PALM2AKAP2: variants seen among roughly 807,000 people sequenced by gnomAD.
PALM2AKAP2 encodes PALM2 and AKAP2 fusion.
A neutral mutation model predicts 71.5 loss-of-function variants in PALM2AKAP2; 37 were observed. The ratio of observed to expected loss-of-function variants is 0.52; its 90% CI spans 0.40 to 0.68. The LOEUF (loss-of-function observed/expected upper bound fraction) is 0.68. PALM2AKAP2 is among the 30% of genes least tolerant of loss of function. The pLI, the probability that PALM2AKAP2 is intolerant of heterozygous loss-of-function variation, is 0.00. For missense variants in PALM2AKAP2, 1,224 were observed against 1,191.8 expected, an observed-to-expected ratio of 1.03 and a Z score of -0.40; for synonymous variants, 468 against 478.8, an observed-to-expected ratio of 0.98 and a Z score of 0.29.
intron 5 of PALM2AKAP2, among the ~76,000 whole-genome samples, chr9:109,930,612 T>C (rs1831075248): frequency 6.6e-6 from 1 of 152,234 alleles, no homozygotes. Flanking sequence ...TCAGACTCAT[T>C]TGCAAGTCAG....
chr9:109,684,984 A>G (rs1272952899), intron 1 of PALM2AKAP2, among the ~76,000 whole-genome samples: 1 of 152,244 alleles, frequency 6.6e-6, no homozygotes, highest in Non-Finnish European at 1.5e-5. Context: ...TAAATAAATT[A>G]CTGATACACA....
At chr9:109,740,080 C>T (rs1378820177) in intron 1 of PALM2AKAP2, among the ~76,000 whole-genome samples, 1 of 152,160 alleles carries the variant, frequency 6.6e-6, no homozygotes, top group Admixed American at 6.5e-5. Context: ...AGGGAGAAGT[C>T]CAATAGAAAA....
chr9:109,642,819 A>G (rs1173909213), intron 1 of PALM2AKAP2, among the ~76,000 whole-genome samples: 6 of 149,868 alleles, frequency 4.0e-5, no homozygotes. Context: ...TGCTGGGATT[A>G]TAGGTGTGAG....
At chr9:109,806,323 AATAAAC>A (rs1163191966) in intron 1 of PALM2AKAP2, among the ~76,000 whole-genome samples, 2 of 152,202 alleles carry the variant, frequency 1.3e-5, no homozygotes, top group Non-Finnish European at 2.9e-5. Context: ...ATGTGTGATA[AATAAAC>A]ATGCATCTGA....
intron 3 of PALM2AKAP2, among the ~76,000 whole-genome samples, chr9:109,897,417 T>G (rs1194161964): frequency 6.6e-6 from 1 of 151,852 alleles, no homozygotes; most frequent in African/African-American, 2.4e-5. Flanking sequence ...CCATCTCTAC[T>G]AAAAATACAA....
At chr9:109,649,335 T>A (rs1284359906) in intron 1 of PALM2AKAP2, among the ~76,000 whole-genome samples, 1 of 152,168 alleles carries the variant, frequency 6.6e-6, no homozygotes, top group Non-Finnish European at 1.5e-5. Flanking sequence ...ATTTTTCTCA[T>A]TTTTTTCCTG....
intron 1 of PALM2AKAP2, among the ~76,000 whole-genome samples, chr9:109,758,264 C>T (rs1828996886): frequency 6.6e-6 from 1 of 152,034 alleles, no homozygotes; most frequent in Admixed American, 6.6e-5. Flanking sequence ...TCTTTTAACC[C>T]TATGGATGGA....
chr9:110,099,583 G>A (rs965397874), intron 1 of PALM2AKAP2, among the ~76,000 whole-genome samples: 1 of 152,206 alleles, frequency 6.6e-6, no homozygotes, highest in Non-Finnish European at 1.5e-5. Flanking sequence ...GCTTTTCCTA[G>A]CAGATGGGTG....
chr9:109,721,705 G>A (rs148497703), intron 1 of PALM2AKAP2, among the ~76,000 whole-genome samples: 48 of 152,144 alleles, frequency 3.2e-4, no homozygotes, highest in African/African-American at 9.2e-4. Context: ...CCCCACACCC[G>A]CTTCTTTCTC....
intron 6 of PALM2AKAP2, among the ~76,000 whole-genome samples, chr9:109,994,015 T>C (rs1306017189): frequency 5.9e-5 from 9 of 152,122 alleles, no homozygotes; most frequent in Non-Finnish European, 1.3e-4. Flanking sequence ...GTATTATAAA[T>C]ACCTAGCTAC....
In PALM2AKAP2 at chr9:110,091,709, G is replaced by A. The variant is rs549398812; in HGVS notation, c.156+42854G>A. On this transcript the variant is annotated intron_variant, in intron 1 of 3. Coordinates refer to ENST00000374525, the Ensembl canonical transcript of PALM2AKAP2. ...GATCTCCTGACCTCATGATCTGCCC[G>A]CCTTGGCCTCCCAAAGTGCCGGGAT... is the stretch of plus-strand genomic sequence containing the variant. 9.9e-5 allele frequency among the ~76,000 whole-genome samples: 15 copies of A among 151,972 alleles called. 1 individual carries two copies. The highest frequency in any genetic ancestry group is 5.9e-4 in the Admixed American group (9 of 15,266).
intron 1 of PALM2AKAP2, among the ~76,000 whole-genome samples, chr9:109,840,467 C>G (rs1828626577): frequency 6.6e-6 from 1 of 152,222 alleles, no homozygotes; most frequent in South Asian, 2.1e-4. Flanking sequence ...GCAAGGACTT[C>G]ATGTCTAAAA....
At chr9:109,819,703 GTA>G (rs1491437938) in intron 1 of PALM2AKAP2, among the ~76,000 whole-genome samples, 6,285 of 90,818 alleles carry the variant, frequency 0.069, 278 homozygotes, top group African/African-American at 0.33. Context: ...GTGTGTGTGT[GTA>G]TGTGTGTGTG....
chr9:110,013,307 G>A (rs911412880), intron 6 of PALM2AKAP2, among the ~76,000 whole-genome samples: 2 of 152,190 alleles, frequency 1.3e-5, no homozygotes, highest in African/African-American at 4.8e-5. Context: ...CAGCAGGAGA[G>A]GAGGAGAATG....
intron 3 of PALM2AKAP2, among the ~76,000 whole-genome samples, chr9:110,164,604 C>T (rs1444567098): frequency 6.7e-6 from 1 of 149,434 alleles, no homozygotes; most frequent in African/African-American, 2.5e-5. Context: ...GATCTCAGCT[C>T]ACTGCAGCCT....
exon 4 of PALM2AKAP2, chr9:110,169,544 A>G (rs908841178): frequency 6.6e-6 from 1 of 152,216 alleles, no homozygotes; most frequent in African/African-American, 2.4e-5. Context: ...TTTTGGATCA[A>G]TCAGAAAGGA....
At chr9:110,109,015 G>A (rs569081068) in intron 1 of PALM2AKAP2, among the ~76,000 whole-genome samples, 15 of 152,064 alleles carry the variant, frequency 9.9e-5, no homozygotes, top group African/African-American at 2.7e-4. Flanking sequence ...AGGGTGGTAC[G>A]TTGTTAAAAC....
chr9:110,149,475 G>C (rs536304937), intron 2 of PALM2AKAP2, among the ~76,000 whole-genome samples: 1 of 152,246 alleles, frequency 6.6e-6, no homozygotes, highest in Non-Finnish European at 1.5e-5. Context: ...AAATTAATTT[G>C]TGCTGATTGT....
chr9:110,094,337 C>T (rs967245654), intron 1 of PALM2AKAP2, among the ~76,000 whole-genome samples: 62 of 152,284 alleles, frequency 4.1e-4, no homozygotes, highest in Non-Finnish European at 6.8e-4. Flanking sequence ...AACTGGAGGC[C>T]GTACTCGTCT....
Sources: gnomAD v4.1 joint callset for allele counts (sites outside exome capture counted in the v4.1 genomes callset) on GRCh38, gnomAD v4.1.1 for gene constraint, MANE v1.5 for transcripts, NCBI Gene and HGNC (gene_info 2026-07-23, HGNC 2026-07-21) for gene names.